GPC5: variants seen among roughly 807,000 people sequenced by gnomAD.
GPC5 encodes glypican 5.
Under a neutral mutation model 53.9 loss-of-function variants are expected in GPC5, and 47 were observed. The observed-to-expected ratio is 0.87, with a 90% confidence interval of 0.69 to 1.11. The LOEUF (loss-of-function observed/expected upper bound fraction) is 1.11, where lower values mean the gene tolerates loss of function less well. Among genes scored for constraint, GPC5 ranks in the 50% most tolerant of loss-of-function variants. The pLI, the probability that GPC5 is intolerant of heterozygous loss-of-function variation, is 0.00. For missense variants in GPC5, 748 were observed against 713.1 expected, an observed-to-expected ratio of 1.05 and a Z score of -0.56; for synonymous variants, 286 against 263.3, an observed-to-expected ratio of 1.09 and a Z score of -0.84.
In GPC5 at chr13:92,692,754, A is replaced by ATTTTTTTTTTTTTTTTTTTTTTTTTT. The variant is rs71272284; in HGVS notation, c.1562-173506_1562-173505insTTTTTTTTTTTTTTTTTTTTTTTTTT. Among the ~76,000 whole-genome samples, 14 of 81,028 alleles carry ATTTTTTTTTTTTTTTTTTTTTTTTTT rather than the reference A, an allele frequency of 1.7e-4. 1 individual carries two copies. The highest frequency in any genetic ancestry group is 3.4e-4 in the African/African-American group (7 of 20,742). 53.2% of individuals were successfully genotyped at this position (81,028 alleles called of 152,430 possible). On this transcript the variant is annotated intron_variant, in intron 7 of 7. Coordinates refer to ENST00000377067, the MANE Select transcript of GPC5 (RefSeq NM_004466.6). ...CTCCAAAGCCTCACCAATATCGGCT[A>ATTTTTTTTTTTTTTTTTTTTTTTTTT]TTTTTTTTTTTTTTTTTTTTTTACA...
intron 7 of GPC5, among the ~76,000 whole-genome samples, chr13:92,774,892 C>T (rs937083210): frequency 3.9e-5 from 6 of 152,018 alleles, no homozygotes; most frequent in Non-Finnish European, 7.4e-5. Flanking sequence ...GTTTAACATA[C>T]TAAAAAAAGA....
At chr13:92,569,969 C>A (rs562331441) in intron 7 of GPC5, among the ~76,000 whole-genome samples, 7 of 152,214 alleles carry the variant, frequency 4.6e-5, no homozygotes, top group African/African-American at 1.4e-4. Flanking sequence ...CCATTTAATT[C>A]TTGTCCTCGT....
chr13:92,778,103 A>C (rs1329229300), intron 7 of GPC5, among the ~76,000 whole-genome samples: 2 of 152,226 alleles, frequency 1.3e-5, no homozygotes, highest in South Asian at 2.1e-4. Context: ...ACACTGAAAG[A>C]GCATATTTTG....
rs530249752 is a variant in GPC5, at chr13:91,459,115, CT to C, written c.325+10195del. On this transcript the variant is annotated intron_variant, in intron 2 of 7. Coordinates refer to ENST00000377067, the MANE Select transcript of GPC5 (RefSeq NM_004466.6). Reference sequence around the variant, plus strand: ...ACTACACTGGGTACAGTGCACACTGCTTGGGTGATGGGTGCACCAAAATTTC... The same window carrying C: ...ACTACACTGGGTACAGTGCACACTGCTGGGTGATGGGTGCACCAAAATTTC... 1.1e-3 allele frequency among the ~76,000 whole-genome samples: 168 copies of C among 152,040 alleles called. 1 individual carries two copies. The highest frequency in any genetic ancestry group is 0.01 in the Middle Eastern group (3 of 292).
In GPC5 at chr13:92,512,264, G is replaced by GCA. The variant is rs1486420962; in HGVS notation, c.1562-354018_1562-354017insCA. 1.6e-4 allele frequency among the ~76,000 whole-genome samples: 24 copies of GCA among 151,978 alleles called. No individual in the cohort carries two copies. The South Asian group carries it at 3.3e-3, about 21-fold the overall frequency. ...TGTGTGTGTGTGCGCGCGCGCGCGC[G>GCA]TACGCTGTGTGCATGCACGCTCATG... On this transcript the variant is annotated intron_variant, in intron 7 of 7. Coordinates refer to ENST00000377067, the MANE Select transcript of GPC5 (RefSeq NM_004466.6).
chr13:92,033,598 C>A (rs1398318939), intron 6 of GPC5, among the ~76,000 whole-genome samples: 1 of 152,152 alleles, frequency 6.6e-6, no homozygotes, highest in Non-Finnish European at 1.5e-5. Flanking sequence ...ATATTTATAT[C>A]TTTTAAATAT....
At chr13:92,818,208 C>T (rs1180466260) in intron 7 of GPC5, among the ~76,000 whole-genome samples, 1 of 151,670 alleles carries the variant, frequency 6.6e-6, no homozygotes, top group Non-Finnish European at 1.5e-5. Flanking sequence ...ATGGGGTTCA[C>T]CATATTGGCC....
intron 7 of GPC5, among the ~76,000 whole-genome samples, chr13:92,357,656 T>G (rs1282315396): frequency 6.6e-6 from 1 of 151,398 alleles, no homozygotes; most frequent in African/African-American, 2.5e-5. Context: ...GGAAACTTAG[T>G]TTGGGAGGTC....
chr13:92,551,583 G>GA (rs1271434907), intron 7 of GPC5, among the ~76,000 whole-genome samples: 13 of 151,840 alleles, frequency 8.6e-5, no homozygotes, highest in African/African-American at 2.4e-5. Context: ...AAGACAAGAA[G>GA]AAAGCAACCT....
At chr13:91,909,832 C>A (rs1312820631) in intron 6 of GPC5, among the ~76,000 whole-genome samples, 1 of 152,098 alleles carries the variant, frequency 6.6e-6, no homozygotes, top group Non-Finnish European at 1.5e-5. Context: ...AACACCACCC[C>A]CCTCCTCTGC....
chr13:91,665,974 A>G (rs2035102569), intron 2 of GPC5, among the ~76,000 whole-genome samples: 1 of 152,188 alleles, frequency 6.6e-6, no homozygotes, highest in Non-Finnish European at 1.5e-5. Context: ...CTCATTCTCT[A>G]ATCTCTTTAC....
intron 6 of GPC5, among the ~76,000 whole-genome samples, chr13:92,025,416 T>A (rs1035106539): frequency 2.6e-5 from 4 of 152,204 alleles, no homozygotes; most frequent in African/African-American, 9.6e-5. Flanking sequence ...TAAAATTTAG[T>A]TTTCATTAGT....
chr13:91,884,848 G>A (rs760308228), intron 5 of GPC5, among the ~76,000 whole-genome samples: 1 of 152,048 alleles, frequency 6.6e-6, no homozygotes, highest in Non-Finnish European at 1.5e-5. Flanking sequence ...GATATGGAAA[G>A]TTTTTCCTTT....
intron 1 of GPC5, among the ~76,000 whole-genome samples, chr13:91,419,859 G>A (rs1878488081): frequency 6.6e-6 from 1 of 152,166 alleles, no homozygotes; most frequent in Non-Finnish European, 1.5e-5. Context: ...GTTGTTTGCT[G>A]CTTATGGTAA....
intron 7 of GPC5, among the ~76,000 whole-genome samples, chr13:92,380,790 A>G (rs1368744365): frequency 6.6e-6 from 1 of 150,680 alleles, no homozygotes; most frequent in East Asian, 2.0e-4. Flanking sequence ...GATAGCACTG[A>G]GAGATATACC....
intron 7 of GPC5, among the ~76,000 whole-genome samples, chr13:92,750,391 G>T (rs1015638107): frequency 1.3e-5 from 2 of 151,622 alleles, no homozygotes; most frequent in Admixed American, 6.6e-5. Flanking sequence ...TCCGTTTTGG[G>T]GTTAAATCTT....
Position 92,629,761 on chromosome 13 carries a change from A to C in GPC5, c.1562-236521A>C, listed in dbSNP as rs142034080. ...GACTCCTGTGACAGATGTTTGGGGAAACAAATGTAGAACTAGAAAATACAC... is the reference window on the plus strand; with the variant it reads ...GACTCCTGTGACAGATGTTTGGGGACACAAATGTAGAACTAGAAAATACAC... On this transcript the variant is annotated intron_variant, in intron 7 of 7. Coordinates refer to ENST00000377067, the MANE Select transcript of GPC5 (RefSeq NM_004466.6). Among the ~76,000 whole-genome samples, 265 of 152,318 alleles carry C rather than the reference A, an allele frequency of 1.7e-3. 1 individual carries two copies. Among genetic ancestry groups the C allele is most frequent in the Non-Finnish European group, 3.1e-3 (210 of 68,028 alleles).
intron 7 of GPC5, among the ~76,000 whole-genome samples, chr13:92,611,824 G>A (rs746222406): frequency 9.2e-5 from 14 of 152,068 alleles, no homozygotes; most frequent in Non-Finnish European, 1.9e-4. Flanking sequence ...TGGTTTTGGT[G>A]AATATTTTAT....
intron 7 of GPC5, among the ~76,000 whole-genome samples, chr13:92,775,961 G>T (rs1031895500): frequency 6.6e-6 from 1 of 152,200 alleles, no homozygotes; most frequent in Non-Finnish European, 1.5e-5. Flanking sequence ...CTCTCTTAGA[G>T]AAATACAAGC....
Sources: gnomAD v4.1 joint callset for allele counts (sites outside exome capture counted in the v4.1 genomes callset) on GRCh38, gnomAD v4.1.1 for gene constraint, MANE v1.5 for transcripts, NCBI Gene and HGNC (gene_info 2026-07-23, HGNC 2026-07-21) for gene names.